The following PCAT7 variants were observed in gnomAD, a reference collection of about 807,000 sequenced individuals.
PCAT7 encodes the protein prostate cancer associated transcript 7 (non-protein coding).
upstream of PCAT7, among the ~76,000 whole-genome samples, chr9:94,554,844 C>T (rs1310340552): frequency 1.3e-5 from 2 of 152,200 alleles, no homozygotes; most frequent in African/African-American, 2.4e-5. Context: ...GTTCTTTAAG[C>T]CGGGTACGTA....
At chr9:94,558,153 A>T (rs919864019) in intron 1 of PCAT7, among the ~76,000 whole-genome samples, 1 of 152,268 alleles carries the variant, frequency 6.6e-6, no homozygotes, top group African/African-American at 2.4e-5. Context: ...TTTAATTGCC[A>T]TGAGATTTCT....
chr9:94,558,286 CAA>C (rs746322247), intron 1 of PCAT7, among the ~76,000 whole-genome samples: 5 of 152,022 alleles, frequency 3.3e-5, no homozygotes, highest in Admixed American at 1.3e-4. Flanking sequence ...TCAAGCCAAT[CAA>C]GACAATTTTT....
intron 2 of PCAT7, among the ~76,000 whole-genome samples, chr9:94,572,423 C>T (rs781648): frequency 0.96 from 146,480 of 152,282 alleles, 70,468 homozygotes; most frequent in East Asian, 1. Flanking sequence ...AAACCTAGAA[C>T]TGGAGTACAG....
chr9:94,565,368 C>CAA (rs369180827), intron 2 of PCAT7, among the ~76,000 whole-genome samples: 30 of 46,570 alleles, frequency 6.4e-4, no homozygotes, highest in African/African-American at 1.9e-3. Context: ...GACTCCACCT[C>CAA]AAAAAAAAAA....
chr9:94,556,729 C>T (rs1307716420), intron 1 of PCAT7, among the ~76,000 whole-genome samples: 1 of 152,094 alleles, frequency 6.6e-6, no homozygotes, highest in East Asian at 1.9e-4. Flanking sequence ...GTTGCTTGTG[C>T]TGTTGATGTC....
chr9:94,571,233 T>C (rs1827265071), intron 2 of PCAT7, among the ~76,000 whole-genome samples: 2 of 152,080 alleles, frequency 1.3e-5, no homozygotes, highest in African/African-American at 4.8e-5. Flanking sequence ...AGGGCCTGAG[T>C]TGATGCAACT....
chr9:94,563,102 C>T (rs1827133327), intron 2 of PCAT7, among the ~76,000 whole-genome samples: 2 of 152,192 alleles, frequency 1.3e-5, no homozygotes, highest in African/African-American at 4.8e-5. Context: ...GGGTGTGAGG[C>T]TGGAGGGGGT....
intron 2 of PCAT7, among the ~76,000 whole-genome samples, chr9:94,562,863 G>A (rs549010566): frequency 6.6e-6 from 1 of 152,284 alleles, no homozygotes; most frequent in East Asian, 1.9e-4. Context: ...TCTGAGGTTT[G>A]GAAATTCTCT....
intron 1 of PCAT7, chr9:94,558,843 T>C: frequency 1.7e-6 from 2 of 1,184,110 alleles, no homozygotes; most frequent in Admixed American, 2.0e-5. Flanking sequence ...ATTTACCTTT[T>C]GTATACTCAT....
chr9:94,562,530 ATC>A (rs1827124419), intron 2 of PCAT7, among the ~76,000 whole-genome samples: 1 of 152,066 alleles, frequency 6.6e-6, no homozygotes, highest in Non-Finnish European at 1.5e-5. Flanking sequence ...GCTGTGTGAG[ATC>A]TCTCAGCGTG....
chr9:94,571,654 C>T, intron 2 of PCAT7: 3 of 1,526,796 alleles, frequency 2.0e-6, no homozygotes, highest in Non-Finnish European at 2.7e-6. Context: ...CTGGAGAGAA[C>T]ACTTTGCCAG....
At chr9:94,570,350 C>G (rs930584232) in intron 2 of PCAT7, 1 of 152,204 alleles carries the variant, frequency 6.6e-6, no homozygotes, top group African/African-American at 2.4e-5. Flanking sequence ...CTCCTGACAC[C>G]AGTCACTAGC....
At chr9:94,563,269 C>A in intron 2 of PCAT7, 2 of 1,544,834 alleles carry the variant, frequency 1.3e-6, no homozygotes, top group Non-Finnish European at 1.8e-6. Context: ...AGTAGCCAAA[C>A]AGCAGGTGTG....
At chr9:94,569,348 C>A (rs1266993112) in intron 2 of PCAT7, 3 of 152,262 alleles carry the variant, frequency 2.0e-5, no homozygotes, top group African/African-American at 7.2e-5. Flanking sequence ...CCAGGGTCCT[C>A]AGCTTTCCCA....
At chr9:94,571,001 A>C (rs1336083225) in intron 2 of PCAT7, 1 of 153,184 alleles carries the variant, frequency 6.5e-6, no homozygotes, top group South Asian at 2.1e-4. Context: ...ATATTATCTG[A>C]GTTTTCACAA....
At chr9:94,560,424 C>CA (rs1452511342) in intron 2 of PCAT7, among the ~76,000 whole-genome samples, 2 of 152,154 alleles carry the variant, frequency 1.3e-5, no homozygotes, top group African/African-American at 4.8e-5. Context: ...TGACTCACAA[C>CA]ACACACCCCC....
Position 94,560,497 on chromosome 9 carries a change from ATCT to A in PCAT7, n.441+1353_441+1355del, listed in dbSNP as rs370719931. 2.6e-4 allele frequency among the ~76,000 whole-genome samples: 40 copies of A among 152,196 alleles called. No individual in the cohort carries two copies. The East Asian group carries it at 3.1e-3, about 12-fold the overall frequency. On this transcript the variant is annotated intron_variant and non_coding_transcript_variant, in intron 2 of 8. Coordinates refer to ENST00000647389, the Ensembl canonical transcript of PCAT7. ...CTGCTGCTGTGCATGACTCAGTATC[ATCT>A]TCTTCTTTCTCCCCATCAGTGCAAC...
chr9:94,569,472 C>T (rs1349467733), intron 2 of PCAT7: 1 of 152,258 alleles, frequency 6.6e-6, no homozygotes, highest in Non-Finnish European at 1.5e-5. Context: ...TCACTCACCA[C>T]CTGAACAGAG....
chr9:94,554,667 A>T (rs575972643), upstream of PCAT7, among the ~76,000 whole-genome samples: 16 of 152,360 alleles, frequency 1.1e-4, no homozygotes, highest in South Asian at 3.3e-3. Context: ...AGCCTCCAGC[A>T]CGCGGCGGTG....
Sources: gnomAD v4.1 joint callset for allele counts (sites outside exome capture counted in the v4.1 genomes callset) on GRCh38, gnomAD v4.1.1 for gene constraint, MANE v1.5 for transcripts, NCBI Gene and HGNC (gene_info 2026-07-23, HGNC 2026-07-21) for gene names.